SCOC: variants seen among roughly 807,000 people sequenced by gnomAD.
The protein encoded by SCOC is short coiled coil protein.
Under a neutral mutation model 9.9 loss-of-function variants are expected in SCOC, and 7 were observed. The observed-to-expected ratio is 0.71, with a 90% CI of 0.40 to 1.33. The LOEUF is 1.33. Ranked by LOEUF, SCOC falls within the 40% of genes most tolerant of loss-of-function variation. SCOC has a pLI of 0.01. For synonymous variants in SCOC, 19 were observed against 28.2 expected (o/e 0.67, Z 1.03); for missense variants, 66 against 89.7 (o/e 0.74, Z 1.07).
intron 1 of SCOC, among the ~76,000 whole-genome samples, chr4:140,285,635 A>G (rs1010165399): frequency 1.3e-5 from 2 of 152,228 alleles, no homozygotes; most frequent in Non-Finnish European, 2.9e-5. Flanking sequence ...GCTTTTCACA[A>G]TTTCAGGAGA....
chr4:140,305,419 A>G (rs540388110), intron 1 of SCOC, among the ~76,000 whole-genome samples: 50 of 152,336 alleles, frequency 3.3e-4, no homozygotes, highest in African/African-American at 1.2e-3. Flanking sequence ...ACAAGCAGCA[A>G]AAGAAATAGC....
intron 2 of SCOC, among the ~76,000 whole-genome samples, chr4:140,357,340 A>G (rs1050010590): frequency 2.0e-5 from 3 of 152,300 alleles, no homozygotes; most frequent in Non-Finnish European, 4.4e-5. Context: ...GAATTATTCA[A>G]ATTTACACTT....
chr4:140,343,600 C>CCTCATTTTTCTTA, intron 1 of SCOC: 1 of 1,532,456 alleles, frequency 6.5e-7, no homozygotes, highest in Non-Finnish European at 9.0e-7. Flanking sequence ...TTTTCTCTGC[C>CCTCATTTTTCTTA]CTCATTTTTC....
chr4:140,285,181 C>T (rs1251185871), intron 1 of SCOC: 1 of 456,732 alleles, frequency 2.2e-6, no homozygotes, highest in African/African-American at 2.0e-5. Context: ...AGGTCTTACT[C>T]CAAAGTTGTG....
chr4:140,375,469 G>A (rs1196458915), intron 1 of SCOC, among the ~76,000 whole-genome samples: 1 of 152,190 alleles, frequency 6.6e-6, no homozygotes, highest in African/African-American at 2.4e-5. Flanking sequence ...TGCAGAGCTA[G>A]GATTTGAATC....
chr4:140,355,211 T>TTATATATATATATATGATATATATATA (rs1553940379), intron 2 of SCOC, among the ~76,000 whole-genome samples: 3 of 61,392 alleles, frequency 4.9e-5, no homozygotes, highest in African/African-American at 1.4e-4. Flanking sequence ...CATTATATTT[T>TTATATATATATATATGATATATATATA]TATATATATA....
intron 2 of SCOC, among the ~76,000 whole-genome samples, chr4:140,352,849 A>G (rs547243330): frequency 6.6e-6 from 1 of 152,188 alleles, no homozygotes; most frequent in Non-Finnish European, 1.5e-5. Flanking sequence ...GAATTTTCTC[A>G]TGTTAAATTT....
chr4:140,295,327 G>C (rs1264969407), intron 1 of SCOC, among the ~76,000 whole-genome samples: 2 of 151,984 alleles, frequency 1.3e-5, no homozygotes, highest in Non-Finnish European at 2.9e-5. Flanking sequence ...CCTGGACCAT[G>C]GGTTAAAAAA....
At chr4:140,290,148 G>A (rs1731428559) in intron 1 of SCOC, among the ~76,000 whole-genome samples, 1 of 152,186 alleles carries the variant, frequency 6.6e-6, no homozygotes, top group Non-Finnish European at 1.5e-5. Context: ...CCAGGGAACT[G>A]GTGTAAGAAA....
At chr4:140,376,636 C>T (rs181037021) in intron 1 of SCOC, 1 of 152,182 alleles carries the variant, frequency 6.6e-6, no homozygotes, top group African/African-American at 2.4e-5. Context: ...GCCCTCTCCA[C>T]CCTGTTTTTC....
chr4:140,303,454 A>G (rs1309437622), intron 1 of SCOC, among the ~76,000 whole-genome samples: 1 of 152,194 alleles, frequency 6.6e-6, no homozygotes, highest in African/African-American at 2.4e-5. Context: ...ATTGGAGCCC[A>G]GGGGTGACTA....
chr4:140,350,100 C>T (rs535492077), intron 2 of SCOC, among the ~76,000 whole-genome samples: 4 of 152,194 alleles, frequency 2.6e-5, no homozygotes, highest in Non-Finnish European at 5.9e-5. Context: ...ATAACACTAC[C>T]CACCTTTCTT....
At chr4:140,371,383 T>G (rs995868616), upstream of SCOC, among the ~76,000 whole-genome samples, 3 of 152,234 alleles carry the variant, frequency 2.0e-5, no homozygotes, top group African/African-American at 7.2e-5. Flanking sequence ...TCTAAAAGTT[T>G]AGAGTTTTGT....
At chr4:140,282,877 A>G (rs1383849708) in intron 1 of SCOC, among the ~76,000 whole-genome samples, 3 of 152,234 alleles carry the variant, frequency 2.0e-5, no homozygotes, top group African/African-American at 7.2e-5. Flanking sequence ...TGGGTGGCCA[A>G]CTTCAGCAAA....
At chr4:140,378,171 A>T (rs1229811072) in intron 1 of SCOC, among the ~76,000 whole-genome samples, 2 of 152,082 alleles carry the variant, frequency 1.3e-5, no homozygotes, top group Non-Finnish European at 2.9e-5. Context: ...GAGCTGATGA[A>T]TGGACATTTT....
chr4:140,300,962 G>A (rs532923359), intron 1 of SCOC, among the ~76,000 whole-genome samples: 1 of 152,166 alleles, frequency 6.6e-6, no homozygotes, highest in Non-Finnish European at 1.5e-5. Context: ...GAGCTGGTTG[G>A]TTTAGGCAGC....
At chr4:140,363,073 A>G (rs1427800033) in intron 2 of SCOC, among the ~76,000 whole-genome samples, 2 of 152,180 alleles carry the variant, frequency 1.3e-5, no homozygotes, top group Admixed American at 1.3e-4. Flanking sequence ...AAGATTCCCC[A>G]AACTCAATGT....
At chr4:140,360,880 C>T (rs1578857433) in intron 2 of SCOC, 1 of 152,292 alleles carries the variant, frequency 6.6e-6, no homozygotes, top group East Asian at 1.9e-4. Flanking sequence ...ACTGATGCTT[C>T]CTGAATCTCC....
intron 2 of SCOC, among the ~76,000 whole-genome samples, chr4:140,345,067 C>A (rs919297145): frequency 1.3e-5 from 2 of 152,138 alleles, no homozygotes; most frequent in African/African-American, 2.4e-5. Flanking sequence ...AGCAAGAGGG[C>A]AGGAAATTTA....
Sources: allele counts gnomAD v4.1 joint callset (sites outside exome capture counted in the v4.1 genomes callset), GRCh38; gene constraint gnomAD v4.1.1; transcripts MANE v1.5; gene names NCBI Gene and HGNC (gene_info 2026-07-23, HGNC 2026-07-21).